TPM3: variants seen among roughly 807,000 people sequenced by gnomAD.
TPM3 encodes the protein tropomyosin 3, also known as tropomyosin alpha-3 chain.
Under a neutral mutation model 43.1 loss-of-function variants are expected in TPM3, and 16 were observed. That is an observed-to-expected ratio of 0.37 (90% CI 0.25 to 0.56). TPM3 has a LOEUF of 0.56. Ranked by LOEUF, TPM3 falls within the 20% of genes least tolerant of loss-of-function variation. TPM3 has a pLI of 0.77. For synonymous variants in TPM3, 101 were observed against 116.9 expected, an observed-to-expected ratio of 0.86 and a Z score of 0.88; for missense variants, 176 against 337.2, an observed-to-expected ratio of 0.52 and a Z score of 3.74.
At position 154,169,353 on chromosome 1, in the gene TPM3, T is replaced by C; in HGVS notation, c.806A>G (p.Lys269Arg). 1 of 1,614,200 alleles carries C rather than the reference T, an allele frequency of 6.2e-7. No individual in the cohort carries two copies. Among genetic ancestry groups the C allele is most frequent in the Non-Finnish European group, 8.5e-7 (1 of 1,180,028 alleles). Reference protein sequence around the residue: ...DELYAQKLKYKAISEELDHAL... With the variant: ...DELYAQKLKYRAISEELDHAL... Reference sequence around the variant, plus strand: ...GTGGTCCAGCTCCTCGCTAATGGCCTTGTACTTCAGTTTCTGGGCATAGAG... The same window carrying C: ...GTGGTCCAGCTCCTCGCTAATGGCCCTGTACTTCAGTTTCTGGGCATAGAG... The change falls in exon 9 of 10, where the codon AAG (lysine) becomes AGG (arginine). Residue 269 changes from lysine (K) to arginine (R), a missense_variant. By Grantham distance (26) the Lys-to-Arg change is conservative. This residue lies in a region of TPM3 where 53 missense variants were observed against 98.3 expected (regional missense o/e 0.54). Coordinates refer to ENST00000651641, the MANE Select transcript of TPM3 (RefSeq NM_152263.4).
intron 3 of TPM3, among the ~76,000 whole-genome samples, chr1:154,175,593 T>C (rs1179748778): frequency 6.6e-6 from 1 of 152,212 alleles, no homozygotes. Context: ...TGTGAATTTT[T>C]ACCAAGTTCC....
chr1:154,175,926 C>T (rs1571417634), intron 3 of TPM3, among the ~76,000 whole-genome samples, 189 bp downstream of exon 3: 1 of 152,338 alleles, frequency 6.6e-6, no homozygotes, highest in East Asian at 1.9e-4. Context: ...GCAATCAGAG[C>T]TCACTGTAGC....
rs1320564809 is a variant in TPM3, at chr1:154,165,572, T to C, written c.*2365A>G. ...GGGAGGCTGAGGTGGGTGGATCACT[T>C]GAGGTCAGGAGTTCCAGACCAGCCT... On this transcript the variant is annotated 3_prime_UTR_variant, in exon 10 of 10. Transcript: ENST00000651641. Among the ~76,000 whole-genome samples, 2 of 151,826 alleles carry C rather than the reference T, an allele frequency of 1.3e-5. No individual in the cohort carries two copies. The highest frequency in any genetic ancestry group is 3.9e-4 in the East Asian group (2 of 5,158).
chr1:154,179,617 C>A (rs1571430869), intron 2 of TPM3, among the ~76,000 whole-genome samples: 2 of 152,132 alleles, frequency 1.3e-5, no homozygotes, highest in Admixed American at 1.3e-4. Context: ...TGCCGATACT[C>A]GCCCAGGCTG....
chr1:154,162,379 A>AC lies in TPM3; in HGVS notation c.*5557_*5558insG, dbSNP rs1251089865. Among the ~76,000 whole-genome samples, 1 of 151,604 alleles carries AC rather than the reference A, an allele frequency of 6.6e-6. No individual in the cohort carries two copies. The highest frequency in any genetic ancestry group is 1.5e-5 in the Non-Finnish European group (1 of 67,884). ...GACTCCGTCTCAAAAAAAAAAAAAA[A>AC]AAAAAACACAAACCAACCCCATGGA... On this transcript the variant is annotated 3_prime_UTR_variant, in exon 10 of 10. Transcript: ENST00000651641.
At chr1:154,171,607 G>T in intron 5 of TPM3, 119 bp from the exon 6 acceptor site, 3 of 1,098,364 alleles carry the variant, frequency 2.7e-6, no homozygotes, top group Non-Finnish European at 4.1e-6. Flanking sequence ...AAGGCATACT[G>T]GGGAAGAGAT....
chr1:154,176,035 A>C (rs935000305), intron 3 of TPM3, 80 bp downstream of exon 3: 1 of 1,605,652 alleles, frequency 6.2e-7, no homozygotes, highest in Admixed American at 1.7e-5. Flanking sequence ...TGCTATTTAG[A>C]AAACAGGTCT....
In TPM3 at chr1:154,169,358, C is replaced by G. The variant is rs771579566; in HGVS notation, c.801G>C (p.Lys267Asn). 3 of 1,614,178 alleles carry G rather than the reference C, an allele frequency of 1.9e-6. No homozygotes were observed. The highest frequency in any genetic ancestry group is 8.5e-7 in the Non-Finnish European group (1 of 1,180,032). Residue 267 changes from lysine to asparagine, a missense_variant, in exon 9 of 10, where the codon AAG becomes AAC. By Grantham distance (94) the Lys-to-Asn change is moderately conservative. Coordinates refer to ENST00000651641, the MANE Select transcript of TPM3 (RefSeq NM_152263.4). ...CCAGCTCCTCGCTAATGGCCTTGTA[C>G]TTCAGTTTCTGGGCATAGAGCTCAT... ...LEDELYAQKL[K>N]YKAISEELDH...
Position 154,171,456 on chromosome 1 carries a change from T to C in TPM3, c.599A>G (p.Asn200Ser), listed in dbSNP as rs878940266. ...AAGAGACTTGAGGTTGTTGGTGACA[T>C]TCTTCAGCTCCTCCTCCAGCTCAGA... ...KCSELEEELK[N>S]VTNNLKSLEA... The change falls in exon 6 of 10, where the codon AAT becomes AGT. Residue 200 changes from asparagine (N) to serine (S), a missense_variant. Transcript: ENST00000651641. 1.2e-6 allele frequency: 2 copies of C among 1,614,210 alleles called. No individual in the cohort carries two copies. Among genetic ancestry groups the C allele is most frequent in the Non-Finnish European group, 1.7e-6 (2 of 1,180,022 alleles).
At chr1:154,191,496 A>C in intron 1 of TPM3, 185 bp from the exon 2 acceptor site, 1 of 1,312,794 alleles carries the variant, frequency 7.6e-7, no homozygotes, top group Non-Finnish European at 1.0e-6. Flanking sequence ...GTGACCCTGT[A>C]ATCTCTGATC....
At chr1:154,177,787 G>C (rs1278408814) in intron 2 of TPM3, among the ~76,000 whole-genome samples, 3 of 152,130 alleles carry the variant, frequency 2.0e-5, no homozygotes, top group African/African-American at 7.2e-5. Context: ...TAACCATCAG[G>C]ACTGGCACAA....
At chr1:154,187,244 A>T (rs1663449287) in intron 2 of TPM3, 1 of 911,296 alleles carries the variant, frequency 1.1e-6, no homozygotes, top group Admixed American at 6.2e-5. Context: ...AGTATGTACA[A>T]GAATGAGCAT....
rs779731789 is a variant in TPM3, at chr1:154,173,057, G to A, written c.495+27C>T. 1.2e-5 allele frequency: 20 copies of A among 1,613,476 alleles called. No homozygotes were observed. In the Admixed American group the frequency reaches 1.5e-4, roughly 12 times the overall value. On this transcript the variant is annotated intron_variant, in intron 4 of 9. Coordinates refer to ENST00000651641, the MANE Select transcript of TPM3 (RefSeq NM_152263.4). ...ATTATGCTTTGTAAAAGGCCGATAC[G>A]AGAGGGACTAACAGAAGGTCACTTA... is the stretch of plus-strand genomic sequence containing the variant.
At chr1:154,160,402 C>T (rs910423460), downstream of TPM3, among the ~76,000 whole-genome samples, 8 of 152,176 alleles carry the variant, frequency 5.3e-5, no homozygotes, top group Non-Finnish European at 7.3e-5. Flanking sequence ...AAGCTAGAGA[C>T]CAGTATGGTC....
At chr1:154,185,536 A>G (rs909911964) in intron 2 of TPM3, among the ~76,000 whole-genome samples, 2 of 150,744 alleles carry the variant, frequency 1.3e-5, no homozygotes, top group South Asian at 2.1e-4. Flanking sequence ...CACAAAAACA[A>G]GCAAACAAAC....
Position 154,163,807 on chromosome 1 carries a change from G to T in TPM3, c.*4130C>A, listed in dbSNP as rs1357144638. Among the ~76,000 whole-genome samples, 2 of 152,062 alleles carry T rather than the reference G, an allele frequency of 1.3e-5. No homozygotes were observed. Among genetic ancestry groups the T allele is most frequent in the Non-Finnish European group, 1.5e-5 (1 of 67,998 alleles). ...CGCAACCACGCCCAGCTAATTTTTT[G>T]TATTTTTAGTAGAGACGGGGTTTCA... On this transcript the variant is annotated 3_prime_UTR_variant, in exon 10 of 10. Transcript: ENST00000651641.
intron 9 of TPM3, among the ~76,000 whole-genome samples, chr1:154,168,446 TA>T (rs1661222496): frequency 1.3e-5 from 2 of 152,160 alleles, no homozygotes; most frequent in African/African-American, 4.8e-5. Context: ...AATCACAGTA[TA>T]ATGAAGAAAC....
chr1:154,157,702 T>C (rs2148183995), downstream of TPM3: 1 of 780,798 alleles, frequency 1.3e-6, no homozygotes, highest in East Asian at 2.4e-5. Context: ...GGTGCTCCTC[T>C]TTGGTGCATT....
chr1:154,175,217 G>A (rs544965700), intron 3 of TPM3, among the ~76,000 whole-genome samples: 20 of 151,602 alleles, frequency 1.3e-4, no homozygotes, highest in Non-Finnish European at 1.0e-4. Flanking sequence ...TGTAGTCCCA[G>A]CTACTTGGGA....
Sources: gnomAD v4.1 joint callset for allele counts (sites outside exome capture counted in the v4.1 genomes callset) on GRCh38, gnomAD v4.1.1 for gene constraint, gnomAD v4.1.1 regional missense constraint, MANE v1.5 for transcripts, NCBI Gene and HGNC (gene_info 2026-07-23, HGNC 2026-07-21) for gene names.